The following WDPCP variants were observed in gnomAD, a reference collection of about 807,000 sequenced individuals.
WDPCP encodes the protein WD repeat containing planar cell polarity effector, also known as WD repeat-containing and planar cell polarity effector protein fritz homolog.
WDPCP carries 71 observed loss-of-function variants against 93.1 expected under a neutral mutation model. That is an observed-to-expected ratio of 0.76 (90% CI 0.63 to 0.93). The LOEUF (loss-of-function observed/expected upper bound fraction) is 0.93, where lower values mean the gene tolerates loss of function less well. Ranked by LOEUF, WDPCP falls within the 40% of genes least tolerant of loss-of-function variation. The pLI is 0.00. For missense variants in WDPCP, 844 were observed against 887.4 expected (o/e 0.95, Z 0.62); for synonymous variants, 315 against 315.0 (o/e 1.00, Z 0.00).
chr2:63,560,807 G>A (rs1706549077), intron 1 of WDPCP, among the ~76,000 whole-genome samples: 2 of 152,164 alleles, frequency 1.3e-5, no homozygotes, highest in South Asian at 2.1e-4. Flanking sequence ...ACAGGGAGGG[G>A]AACATCATAC....
chr2:63,366,895 T>G (rs868438527), intron 12 of WDPCP, among the ~76,000 whole-genome samples: 1 of 152,078 alleles, frequency 6.6e-6, no homozygotes, highest in Non-Finnish European at 1.5e-5. Context: ...TTGTGGTTAT[T>G]GAGCAAGTTA....
At chr2:63,313,886 A>ATGTGT in intron 12 of WDPCP, among the ~76,000 whole-genome samples, 1 of 74,504 alleles carries the variant, frequency 1.3e-5, no homozygotes. Flanking sequence ...ATATATATAT[A>ATGTGT]TTTTTTTTTT....
intron 1 of WDPCP, among the ~76,000 whole-genome samples, chr2:63,539,628 G>A (rs1704564190): frequency 6.6e-6 from 1 of 152,124 alleles, no homozygotes; most frequent in Non-Finnish European, 1.5e-5. Flanking sequence ...GGAGGTTGCA[G>A]TGAGCTCAGA....
At chr2:63,351,026 G>C (rs935819908) in intron 12 of WDPCP, among the ~76,000 whole-genome samples, 1 of 151,408 alleles carries the variant, frequency 6.6e-6, no homozygotes, top group African/African-American at 2.4e-5. Context: ...CTGTTGCCCA[G>C]GCTAGAGTGC....
chr2:63,748,593 C>T (rs1227194170), intron 2 of WDPCP, among the ~76,000 whole-genome samples: 1 of 152,014 alleles, frequency 6.6e-6, no homozygotes, highest in South Asian at 2.1e-4. Flanking sequence ...GATATATTAT[C>T]TCATACCCAT....
intron 3 of WDPCP, among the ~76,000 whole-genome samples, chr2:63,641,231 C>T (rs1451513968): frequency 5.9e-5 from 9 of 152,140 alleles, no homozygotes; most frequent in African/African-American, 1.4e-4. Flanking sequence ...GAGGGACACT[C>T]GGGTTGCTTC....
At chr2:63,683,054 G>T (rs1024356030) in intron 2 of WDPCP, among the ~76,000 whole-genome samples, 7 of 152,100 alleles carry the variant, frequency 4.6e-5, no homozygotes, top group African/African-American at 1.7e-4. Flanking sequence ...GATAGTATTT[G>T]CAAGCCTCAT....
upstream of WDPCP, among the ~76,000 whole-genome samples, chr2:63,829,408 C>T (rs999003146): frequency 5.3e-5 from 8 of 152,044 alleles, no homozygotes; most frequent in African/African-American, 1.2e-4. Context: ...ATAATACGCA[C>T]GCACTGCACT....
At chr2:63,722,854 T>C (rs1575758269) in intron 2 of WDPCP, among the ~76,000 whole-genome samples, 1 of 151,658 alleles carries the variant, frequency 6.6e-6, no homozygotes, top group Admixed American at 6.6e-5. Flanking sequence ...GCGAGAAAGG[T>C]GGGGAAAAGA....
At chr2:63,766,808 C>T (rs974622123) in intron 2 of WDPCP, among the ~76,000 whole-genome samples, 1 of 152,050 alleles carries the variant, frequency 6.6e-6, no homozygotes, top group African/African-American at 2.4e-5. Context: ...TAAATACATT[C>T]ATAAAATTAT....
chr2:63,749,573 T>G (rs903031788), intron 2 of WDPCP, among the ~76,000 whole-genome samples: 1 of 152,126 alleles, frequency 6.6e-6, no homozygotes, highest in Non-Finnish European at 1.5e-5. Context: ...TTGTCTTAGA[T>G]GATTTTGCCC....
At chr2:63,714,925 C>A (rs569867262) in intron 2 of WDPCP, among the ~76,000 whole-genome samples, 1 of 152,252 alleles carries the variant, frequency 6.6e-6, no homozygotes, top group East Asian at 1.9e-4. Flanking sequence ...AGGTGTCAAT[C>A]CATAGATGAA....
intron 14 of WDPCP, among the ~76,000 whole-genome samples, chr2:63,190,655 T>C (rs888838218): frequency 1.3e-5 from 2 of 152,106 alleles, no homozygotes; most frequent in Non-Finnish European, 2.9e-5. Flanking sequence ...CTGATAGTCT[T>C]AGATTACAGC....
At chr2:63,284,972 A>C (rs1683870343) in intron 13 of WDPCP, among the ~76,000 whole-genome samples, 1 of 152,226 alleles carries the variant, frequency 6.6e-6, no homozygotes, top group Non-Finnish European at 1.5e-5. Flanking sequence ...CCAAAATAGA[A>C]GGTAAATTGG....
upstream of WDPCP, among the ~76,000 whole-genome samples, chr2:63,831,314 T>A (rs1424971546): frequency 1.3e-5 from 2 of 152,204 alleles, no homozygotes; most frequent in African/African-American, 4.8e-5. Flanking sequence ...CAAACTCATT[T>A]CTTGCCTCTT....
At chr2:63,167,926 G>A (rs1021997462) in intron 15 of WDPCP, among the ~76,000 whole-genome samples, 13 of 151,902 alleles carry the variant, frequency 8.6e-5, no homozygotes, top group Non-Finnish European at 1.0e-4. Flanking sequence ...ACTAGCCTGG[G>A]CAACATGGCA....
intron 12 of WDPCP, among the ~76,000 whole-genome samples, chr2:63,367,476 T>C (rs1691007452): frequency 6.6e-6 from 1 of 152,138 alleles, no homozygotes; most frequent in African/African-American, 2.4e-5. Flanking sequence ...TACAGAGATA[T>C]GTGTGATGTG....
At chr2:63,600,930 A>G (rs1433682230) in intron 3 of WDPCP, among the ~76,000 whole-genome samples, 1 of 152,242 alleles carries the variant, frequency 6.6e-6, no homozygotes, top group Non-Finnish European at 1.5e-5. Context: ...CAATGACACT[A>G]ACAACCACTT....
At chr2:63,685,641 G>A (rs1378143589) in intron 2 of WDPCP, among the ~76,000 whole-genome samples, 1 of 152,070 alleles carries the variant, frequency 6.6e-6, no homozygotes, top group Non-Finnish European at 1.5e-5. Flanking sequence ...AACCAGAAAA[G>A]ACACATCAGA....
Sources: gnomAD v4.1 joint callset for allele counts (sites outside exome capture counted in the v4.1 genomes callset) on GRCh38, gnomAD v4.1.1 for gene constraint, MANE v1.5 for transcripts, NCBI Gene and HGNC (gene_info 2026-07-23, HGNC 2026-07-21) for gene names.